Variants in STK3 observed in about 807,000 individuals in gnomAD.
The protein encoded by STK3 is serine/threonine-protein kinase 3.
STK3 carries 41 observed loss-of-function variants against 58.0 expected under a neutral mutation model. The ratio of observed to expected loss-of-function variants is 0.71; its 90% confidence interval spans 0.55 to 0.92. STK3 has a LOEUF of 0.92. Among genes scored for constraint, STK3 ranks in the 40% least tolerant of loss-of-function variants. STK3 has a pLI of 0.00. For missense variants in STK3, 479 were observed against 602.7 expected (o/e 0.79, Z 2.15); for synonymous variants, 170 against 191.0 (o/e 0.89, Z 0.91).
At chr8:98,398,525 T>C (rs1226959313), downstream of STK3, among the ~76,000 whole-genome samples, 1 of 152,158 alleles carries the variant, frequency 6.6e-6, no homozygotes, top group East Asian at 1.9e-4. Flanking sequence ...TCCCATCCCA[T>C]GGAAGCCAGG....
chr8:98,669,217 G>A (rs925031930), intron 6 of STK3, among the ~76,000 whole-genome samples: 14 of 151,868 alleles, frequency 9.2e-5, no homozygotes, highest in African/African-American at 3.1e-4. Flanking sequence ...GGCTGGTCTC[G>A]AACTCCTGAC....
intron 9 of STK3, among the ~76,000 whole-genome samples, chr8:98,547,170 G>A (rs1586830810): frequency 6.6e-6 from 1 of 152,238 alleles, no homozygotes; most frequent in East Asian, 1.9e-4. Flanking sequence ...GCAGCCTAGT[G>A]CTTGCTTAGA....
At chr8:98,523,216 GT>G (rs1468466797) in intron 10 of STK3, among the ~76,000 whole-genome samples, 1 of 152,066 alleles carries the variant, frequency 6.6e-6, no homozygotes, top group East Asian at 1.9e-4. Context: ...TATTTTATGT[GT>G]TTGTGTTTTG....
chr8:98,831,312 A>G lies in STK3; in HGVS notation c.110+52335T>C, dbSNP rs140491461. On this transcript the variant is annotated intron_variant, in intron 3 of 12. Coordinates refer to the STK3 transcript ENST00000523601. The stretch of plus-strand genomic sequence containing the variant: ...ATTTCTCTTAGGCTGGAGTGTAGTG[A>G]CACAATCAAAGCCCACTACAACCTT... Among the ~76,000 whole-genome samples the G allele has an allele frequency of 8.7e-3, 1,319 of 152,268 alleles. 10 individuals carry two copies. The highest frequency in any genetic ancestry group is 0.03 in the African/African-American group (1,242 of 41,538).
intron 3 of STK3, among the ~76,000 whole-genome samples, chr8:98,845,700 G>C (rs1836175577): frequency 6.6e-6 from 1 of 152,080 alleles, no homozygotes; most frequent in African/African-American, 2.4e-5. Context: ...GCTAATGACA[G>C]AAAATCAACT....
intron 1 of STK3, among the ~76,000 whole-genome samples, chr8:98,811,631 A>G (rs1443299111): frequency 4.6e-5 from 7 of 152,078 alleles, no homozygotes; most frequent in Non-Finnish European, 8.8e-5. Flanking sequence ...AAAACACATG[A>G]AAGGTTTTCA....
At chr8:98,420,294 T>G (rs564430678) in intron 3 of STK3, among the ~76,000 whole-genome samples, 66 of 152,314 alleles carry the variant, frequency 4.3e-4, no homozygotes, top group African/African-American at 1.4e-3. Flanking sequence ...GGTTATCAGA[T>G]CAACTGCCTC....
chr8:98,706,320 G>T, intron 6 of STK3, 147 bp downstream of exon 6: 1 of 800,382 alleles, frequency 1.2e-6, no homozygotes, highest in Non-Finnish European at 1.8e-6. Context: ...GAAGTTAACA[G>T]TTACTAATCT....
intron 1 of STK3, among the ~76,000 whole-genome samples, chr8:98,820,471 T>C (rs1195026121): frequency 6.6e-6 from 1 of 152,232 alleles, no homozygotes. Flanking sequence ...TCTGGTAAAG[T>C]GTCTCACTCC....
chr8:98,619,731 G>A (rs1818098212), intron 6 of STK3, among the ~76,000 whole-genome samples: 1 of 146,406 alleles, frequency 6.8e-6, no homozygotes, highest in Admixed American at 6.8e-5. Flanking sequence ...ATCATCACTG[G>A]CCATCAGAGA....
intron 1 of STK3, among the ~76,000 whole-genome samples, chr8:98,903,954 C>T (rs1838785141): frequency 6.6e-6 from 1 of 151,952 alleles, no homozygotes; most frequent in African/African-American, 2.4e-5. Context: ...GTTTAGAGCC[C>T]CAGATATTCT....
chr8:98,816,159 T>TC (rs901878816), intron 1 of STK3, among the ~76,000 whole-genome samples: 2 of 152,180 alleles, frequency 1.3e-5, no homozygotes, highest in Admixed American at 6.5e-5. Context: ...ACCTGGGTTC[T>TC]CCAACAGGAA....
At chr8:98,617,226 GA>G (rs1817823189) in intron 6 of STK3, among the ~76,000 whole-genome samples, 1 of 149,962 alleles carries the variant, frequency 6.7e-6, no homozygotes, top group Non-Finnish European at 1.5e-5. Context: ...GGTACATAAC[GA>G]AATGAAGGCA....
At chr8:98,652,428 G>C (rs1219732406) in intron 6 of STK3, among the ~76,000 whole-genome samples, 2 of 152,004 alleles carry the variant, frequency 1.3e-5, no homozygotes, top group Non-Finnish European at 2.9e-5. Context: ...ATCAACTAAC[G>C]AGCAAAATAA....
intron 3 of STK3, among the ~76,000 whole-genome samples, chr8:98,850,149 T>C (rs748461593): frequency 2.0e-5 from 3 of 151,772 alleles, no homozygotes; most frequent in Non-Finnish European, 2.9e-5. Flanking sequence ...AAAAAAATGA[T>C]TTACGTATTT....
intron 10 of STK3, among the ~76,000 whole-genome samples, chr8:98,509,337 G>T (rs1414182226): frequency 3.3e-5 from 5 of 151,850 alleles, no homozygotes; most frequent in African/African-American, 1.2e-4. Context: ...ATTATAAATA[G>T]ATGTGTCTAT....
At chr8:98,806,474 A>G (rs1411477681) in intron 1 of STK3, among the ~76,000 whole-genome samples, 1 of 152,170 alleles carries the variant, frequency 6.6e-6, no homozygotes, top group Non-Finnish European at 1.5e-5. Context: ...TCCAAATTTT[A>G]TGGTTGCAAA....
chr8:98,739,430 G>A (rs951007717), intron 4 of STK3, among the ~76,000 whole-genome samples: 2 of 150,870 alleles, frequency 1.3e-5, no homozygotes, highest in Admixed American at 6.6e-5. Flanking sequence ...CAGCATTCGC[G>A]GTTCATGAAA....
At chr8:98,375,201 G>A (rs1219029414) in intron 2 of STK3, among the ~76,000 whole-genome samples, 2 of 149,686 alleles carry the variant, frequency 1.3e-5, no homozygotes, top group Non-Finnish European at 2.9e-5. Flanking sequence ...GCTGCAGTGA[G>A]CCATTATCAT....
Sources: allele counts gnomAD v4.1 joint callset (sites outside exome capture counted in the v4.1 genomes callset), GRCh38; gene constraint gnomAD v4.1.1; transcripts MANE v1.5; gene names NCBI Gene and HGNC (gene_info 2026-07-23, HGNC 2026-07-21).